The following PDIA5 variants were observed in gnomAD, a reference collection of about 807,000 sequenced individuals.
The protein encoded by PDIA5 is protein disulfide isomerase family A member 5.
PDIA5 carries 58 observed loss-of-function variants against 77.6 expected under a neutral mutation model. The ratio of observed to expected loss-of-function variants is 0.75; its 90% CI spans 0.61 to 0.93. The LOEUF (loss-of-function observed/expected upper bound fraction) is 0.93, where lower values mean the gene tolerates loss of function less well. Ranked by LOEUF, PDIA5 falls within the 40% of genes least tolerant of loss-of-function variation. The probability of loss-of-function intolerance (pLI) is 0.00; values close to 1 mark genes in which losing one functional copy is unlikely to be tolerated. For synonymous variants in PDIA5, 250 were observed against 252.1 expected (o/e 0.99, Z 0.08); for missense variants, 630 against 647.7 (o/e 0.97, Z 0.30).
chr3:123,129,431 G>C (rs1052554351), intron 10 of PDIA5, among the ~76,000 whole-genome samples: 1 of 152,208 alleles, frequency 6.6e-6, no homozygotes, highest in Non-Finnish European at 1.5e-5. Flanking sequence ...GGAGGGAAGT[G>C]GGTGGCAGAG....
chr3:123,094,951 G>A (rs1576439903), intron 3 of PDIA5, among the ~76,000 whole-genome samples: 1 of 152,198 alleles, frequency 6.6e-6, no homozygotes, highest in East Asian at 1.9e-4. Context: ...TAAAAGGCAG[G>A]TGAGGGGAAC....
intron 1 of PDIA5, among the ~76,000 whole-genome samples, chr3:123,069,497 G>A (rs1050873848): frequency 1.3e-5 from 2 of 152,188 alleles, no homozygotes; most frequent in African/African-American, 4.8e-5. Context: ...GACTGGTGGT[G>A]TAGAACAATT....
intron 8 of PDIA5, among the ~76,000 whole-genome samples, chr3:123,119,975 T>TC (rs1418229095): frequency 6.6e-6 from 1 of 152,188 alleles, no homozygotes; most frequent in African/African-American, 2.4e-5. Context: ...TACAGCTGCC[T>TC]CTTTTGTGCT....
chr3:123,074,748 T>C (rs1323986122), intron 1 of PDIA5, among the ~76,000 whole-genome samples: 3 of 152,198 alleles, frequency 2.0e-5, no homozygotes, highest in East Asian at 3.8e-4. Context: ...TATACATTTA[T>C]AAATACATTC....
intron 1 of PDIA5, among the ~76,000 whole-genome samples, chr3:123,079,097 G>A (rs115692965): frequency 0.011 from 1,740 of 152,078 alleles, 17 homozygotes; most frequent in Non-Finnish European, 0.014. Flanking sequence ...AAATATTACC[G>A]AGGGCAAATC....
intron 5 of PDIA5, among the ~76,000 whole-genome samples, chr3:123,105,665 C>T (rs759539904): frequency 1.3e-5 from 2 of 152,100 alleles, no homozygotes; most frequent in African/African-American, 2.4e-5. Context: ...CGTGTGTGAC[C>T]AGTGGATGGG....
At chr3:123,077,269 G>A (rs1689709244) in intron 1 of PDIA5, among the ~76,000 whole-genome samples, 1 of 152,152 alleles carries the variant, frequency 6.6e-6, no homozygotes, top group Admixed American at 6.5e-5. Flanking sequence ...TAATAAAAGT[G>A]CTTACTTTAT....
At chr3:123,125,789 T>C (rs1935234630) in intron 10 of PDIA5, among the ~76,000 whole-genome samples, 1 of 152,230 alleles carries the variant, frequency 6.6e-6, no homozygotes, top group South Asian at 2.1e-4. Flanking sequence ...TTTTATTTCT[T>C]GGAAGCATTC....
chr3:123,119,555 C>G (rs2107951668), intron 8 of PDIA5, among the ~76,000 whole-genome samples: 1 of 152,300 alleles, frequency 6.6e-6, no homozygotes, highest in East Asian at 1.9e-4. Flanking sequence ...GAGGGAAGGG[C>G]CCTGGCCGCT....
intron 3 of PDIA5, among the ~76,000 whole-genome samples, chr3:123,094,428 C>T (rs1262701096): frequency 6.6e-6 from 1 of 152,180 alleles, no homozygotes; most frequent in Non-Finnish European, 1.5e-5. Flanking sequence ...CCACTCTAGG[C>T]GGCAGCTGTC....
chr3:123,101,450 G>C (rs1934593407), intron 3 of PDIA5, among the ~76,000 whole-genome samples: 1 of 152,214 alleles, frequency 6.6e-6, no homozygotes, highest in Non-Finnish European at 1.5e-5. Flanking sequence ...GCACCTCACA[G>C]GCATTTCTTA....
intron 5 of PDIA5, 49 bp downstream of exon 5, chr3:123,102,845 C>A: frequency 7.9e-7 from 1 of 1,273,696 alleles, no homozygotes; most frequent in Non-Finnish European, 1.2e-6. Flanking sequence ...TAAATGGACG[C>A]CCAAAGTCTG....
chr3:123,105,610 G>T (rs1003624061), intron 5 of PDIA5, among the ~76,000 whole-genome samples: 1 of 152,182 alleles, frequency 6.6e-6, no homozygotes, highest in Admixed American at 6.5e-5. Flanking sequence ...TTCTCCCGTA[G>T]TAGTTCTTTC....
intron 11 of PDIA5, among the ~76,000 whole-genome samples, chr3:123,136,726 A>C (rs1043628225): frequency 1.2e-3 from 10 of 8,342 alleles, no homozygotes; most frequent in African/African-American, 2.6e-3. Context: ...GTGACAAGAC[A>C]AAAAAAAAAA....
intron 7 of PDIA5, among the ~76,000 whole-genome samples, chr3:123,115,419 G>A (rs1576449604): frequency 6.6e-6 from 1 of 152,164 alleles, no homozygotes; most frequent in African/African-American, 2.4e-5. Context: ...AAGGCTGTGG[G>A]TCTTCACCAC....
chr3:123,161,553 C>T, intron 16 of PDIA5, 98 bp downstream of exon 16: 1 of 1,320,016 alleles, frequency 7.6e-7, no homozygotes, highest in South Asian at 1.4e-5. Flanking sequence ...ATCCCAGAAA[C>T]TGCAGAAGTC....
At chr3:123,093,441 AG>A (rs1489666006) in intron 3 of PDIA5, among the ~76,000 whole-genome samples, 5 of 152,328 alleles carry the variant, frequency 3.3e-5, no homozygotes, top group East Asian at 1.9e-4. Flanking sequence ...CAAAGTAAAA[AG>A]CCTATTAAAT....
chr3:123,132,719 A>G (rs1935398929), intron 11 of PDIA5, among the ~76,000 whole-genome samples: 1 of 152,198 alleles, frequency 6.6e-6, no homozygotes, highest in African/African-American at 2.4e-5. Flanking sequence ...CGAGTCTTGC[A>G]GGAATTGATG....
chr3:123,139,175 C>T (rs1416569261), intron 11 of PDIA5, among the ~76,000 whole-genome samples: 1 of 152,192 alleles, frequency 6.6e-6, no homozygotes, highest in South Asian at 2.1e-4. Flanking sequence ...TTAATGGCCT[C>T]TCAAATCACA....
Sources: allele counts gnomAD v4.1 joint callset (sites outside exome capture counted in the v4.1 genomes callset), GRCh38; gene constraint gnomAD v4.1.1; transcripts MANE v1.5; gene names NCBI Gene and HGNC (gene_info 2026-07-23, HGNC 2026-07-21).